The following PTPRD variants were observed in gnomAD, a reference collection of about 807,000 sequenced individuals.
PTPRD encodes protein tyrosine phosphatase receptor type D.
In PTPRD, 34 loss-of-function variants were observed where a neutral mutation model predicts 214.5. The observed-to-expected ratio is 0.16, with a 90% CI of 0.12 to 0.21. PTPRD has a LOEUF of 0.21. Ranked by LOEUF, PTPRD falls within the 10% of genes least tolerant of loss-of-function variation. The pLI, the probability that PTPRD is intolerant of heterozygous loss-of-function variation, is 1.00. For missense variants in PTPRD, 2,545 were observed against 2,398.7 expected (o/e 1.06, Z -1.27); for synonymous variants, 1,128 against 845.7 (o/e 1.33, Z -5.79).
chr9:8,948,427 A>ATT (rs1156900927), intron 11 of PTPRD, among the ~76,000 whole-genome samples: 1 of 24,990 alleles, frequency 4.0e-5, no homozygotes, highest in Non-Finnish European at 8.6e-5. Flanking sequence ...ATATATATTT[A>ATT]TATATATATT....
intron 27 of PTPRD, among the ~76,000 whole-genome samples, chr9:8,488,131 G>A (rs1468845970): frequency 1.3e-5 from 2 of 151,736 alleles, no homozygotes; most frequent in Non-Finnish European, 1.5e-5. Flanking sequence ...ATAGATGAAG[G>A]TAAAAAAATC....
intron 37 of PTPRD, among the ~76,000 whole-genome samples, chr9:8,385,397 G>A (rs1357233792): frequency 6.6e-6 from 1 of 152,126 alleles, no homozygotes; most frequent in African/African-American, 2.4e-5. Context: ...TGGGTGCTGT[G>A]CACCTGTAGT....
At chr9:8,527,903 T>C (rs2074630118) in intron 15 of PTPRD, among the ~76,000 whole-genome samples, 1 of 152,124 alleles carries the variant, frequency 6.6e-6, no homozygotes, top group Non-Finnish European at 1.5e-5. Flanking sequence ...CACACTACTG[T>C]GGCTAATGTG....
chr9:8,330,785 AAAG>A (rs1162368146), intron 44 of PTPRD, among the ~76,000 whole-genome samples: 2 of 152,118 alleles, frequency 1.3e-5, no homozygotes, highest in East Asian at 3.8e-4. Flanking sequence ...TCTATGTCGT[AAAG>A]AACTATAGTT....
intron 2 of PTPRD, among the ~76,000 whole-genome samples, chr9:10,350,568 A>C (rs552195119): frequency 6.6e-6 from 1 of 152,204 alleles, no homozygotes; most frequent in African/African-American, 2.4e-5. Flanking sequence ...TATTGTCATT[A>C]TTTCTATTTT....
chr9:8,801,279 C>T (rs2096565678), intron 11 of PTPRD, among the ~76,000 whole-genome samples: 1 of 152,072 alleles, frequency 6.6e-6, no homozygotes. Context: ...AATAAACTTC[C>T]CTTTGTCTCA....
intron 3 of PTPRD, among the ~76,000 whole-genome samples, chr9:10,131,036 A>T (rs750531938): frequency 6.6e-6 from 1 of 152,200 alleles, no homozygotes; most frequent in Non-Finnish European, 1.5e-5. Context: ...AGGTGATACT[A>T]GTGTCAAGCA....
At chr9:8,965,952 AAATC>A (rs1310070358) in intron 11 of PTPRD, among the ~76,000 whole-genome samples, 1 of 152,142 alleles carries the variant, frequency 6.6e-6, no homozygotes, top group African/African-American at 2.4e-5. Flanking sequence ...TCAGAATACA[AAATC>A]AATGTACAAA....
At chr9:10,262,792 T>A (rs1339525243) in intron 3 of PTPRD, among the ~76,000 whole-genome samples, 1 of 152,328 alleles carries the variant, frequency 6.6e-6, no homozygotes, top group African/African-American at 2.4e-5. Flanking sequence ...TCCACACATT[T>A]GCACAGACCC....
intron 5 of PTPRD, among the ~76,000 whole-genome samples, chr9:9,904,656 G>T (rs1186808784): frequency 6.6e-6 from 1 of 151,838 alleles, no homozygotes; most frequent in Non-Finnish European, 1.5e-5. Context: ...TTAAAAAAAT[G>T]CTCCAAAAAA....
chr9:9,571,371 C>T (rs17179861), intron 8 of PTPRD, among the ~76,000 whole-genome samples: 4,509 of 151,146 alleles, frequency 0.03, 91 homozygotes, highest in African/African-American at 0.045. Flanking sequence ...CTTAATGAAG[C>T]GCATATAACA....
intron 39 of PTPRD, among the ~76,000 whole-genome samples, chr9:8,360,370 G>C (rs954293747): frequency 6.6e-6 from 1 of 152,156 alleles, no homozygotes; most frequent in Admixed American, 6.5e-5. Flanking sequence ...TCAAATAAGA[G>C]TTCTTAGTCC....
chr9:9,862,282 C>T (rs9408797), intron 5 of PTPRD, among the ~76,000 whole-genome samples: 62,677 of 151,788 alleles, frequency 0.41, 15,658 homozygotes, highest in Middle Eastern at 0.61. Flanking sequence ...GCTATAAATC[C>T]ATTTAAAAGT....
intron 18 of PTPRD, 132 bp from the exon 19 acceptor site, chr9:8,523,656 G>T: frequency 1.1e-6 from 1 of 918,610 alleles, no homozygotes; most frequent in Non-Finnish European, 1.7e-6. Flanking sequence ...ATTCGCTCTA[G>T]TTCATCCTTC....
chr9:9,082,537 G>C (rs533465663), intron 10 of PTPRD, among the ~76,000 whole-genome samples: 1 of 152,200 alleles, frequency 6.6e-6, no homozygotes, highest in East Asian at 1.9e-4. Flanking sequence ...ACCTGGTATT[G>C]GAAGTTCCGG....
chr9:9,622,015 G>C (rs935035259), intron 7 of PTPRD, among the ~76,000 whole-genome samples: 3 of 152,102 alleles, frequency 2.0e-5, no homozygotes, highest in Admixed American at 2.0e-4. Context: ...AGTAAGAAGA[G>C]GTTTACAAGT....
At chr9:9,219,825 C>G (rs1378785862) in intron 9 of PTPRD, among the ~76,000 whole-genome samples, 1 of 152,154 alleles carries the variant, frequency 6.6e-6, no homozygotes, top group East Asian at 1.9e-4. Context: ...CTGCATGTTC[C>G]CAGTTTTGCA....
chr9:9,235,854 T>A (rs952059551), intron 9 of PTPRD, among the ~76,000 whole-genome samples: 27 of 112,854 alleles, frequency 2.4e-4, no homozygotes, highest in African/African-American at 7.5e-4. Context: ...CTCTGGTGAC[T>A]TTTTTTTTGT....
At chr9:9,752,581 T>C (rs543192245) in intron 6 of PTPRD, among the ~76,000 whole-genome samples, 19 of 152,090 alleles carry the variant, frequency 1.2e-4, no homozygotes, top group Non-Finnish European at 2.5e-4. Flanking sequence ...CTCCAAATTC[T>C]GCACATGGAA....
Sources: allele counts gnomAD v4.1 joint callset (sites outside exome capture counted in the v4.1 genomes callset), GRCh38; gene constraint gnomAD v4.1.1; transcripts MANE v1.5; gene names NCBI Gene and HGNC (gene_info 2026-07-23, HGNC 2026-07-21).